ARHGEF37: variants seen among roughly 807,000 people sequenced by gnomAD.
ARHGEF37 encodes Rho guanine nucleotide exchange factor (GEF) 37.
Under a neutral mutation model 71.1 loss-of-function variants are expected in ARHGEF37, and 55 were observed. The observed-to-expected ratio is 0.77, with a 90% CI of 0.62 to 0.97. The LOEUF (loss-of-function observed/expected upper bound fraction) is 0.97, where lower values mean the gene tolerates loss of function less well. Ranked by LOEUF, ARHGEF37 falls within the 50% of genes least tolerant of loss-of-function variation. The pLI is 0.00. For synonymous variants in ARHGEF37, 327 were observed against 350.6 expected (o/e 0.93, Z 0.75); for missense variants, 765 against 836.8 (o/e 0.91, Z 1.06).
In ARHGEF37 at chr5:149,584,104, A is replaced by G. The variant is rs577697682; in HGVS notation, c.-12+2480A>G. Among the ~76,000 whole-genome samples the G allele has an allele frequency of 3.9e-5, 6 of 152,284 alleles. No individual in the cohort carries two copies. In the South Asian group the frequency reaches 1.2e-3, roughly 32 times the overall value. ...TTGTTATTATTTTCTTAATTCCCTA[A>G]TACTGGAAGGCTCAAGAACTTTAAA... On this transcript the variant is annotated intron_variant, in intron 1 of 12. Coordinates refer to ENST00000333677, the MANE Select transcript of ARHGEF37 (RefSeq NM_001001669.3).
chr5:149,558,632 AG>A (rs1305498988), intron 1 of ARHGEF37, among the ~76,000 whole-genome samples: 1 of 151,966 alleles, frequency 6.6e-6, no homozygotes, highest in African/African-American at 2.4e-5. Flanking sequence ...CTGGGATTAC[AG>A]GCGTGAGCCA....
intron 1 of ARHGEF37, among the ~76,000 whole-genome samples, chr5:149,554,382 C>T (rs576801667): frequency 6.7e-4 from 102 of 152,266 alleles, no homozygotes; most frequent in Admixed American, 5.2e-3. Context: ...GTCTAATCCT[C>T]CTCGCCTTTT....
In ARHGEF37 at chr5:149,554,155, G is replaced by A. The variant is rs79958564; in HGVS notation, c.-12+2032G>A. Among the ~76,000 whole-genome samples, 1,396 of 152,098 alleles carry A rather than the reference G, an allele frequency of 9.2e-3. 62 individuals are homozygous for A. The East Asian group carries it at 0.15, about 16-fold the overall frequency. On this transcript the variant is annotated intron_variant, in intron 1 of 2. Transcript: ENST00000505810. ...TGCACTCCGGCCTGGGCAAGAGAGT[G>A]AGACTTTGTCTCAAAAAAAAAGTTG...
intron 1 of ARHGEF37, among the ~76,000 whole-genome samples, chr5:149,568,402 C>G (rs899424546): frequency 1.3e-5 from 2 of 152,040 alleles, no homozygotes; most frequent in African/African-American, 4.8e-5. Flanking sequence ...AAAAGCAAAC[C>G]TAATTAAAAT....
intron 1 of ARHGEF37, among the ~76,000 whole-genome samples, 172 bp downstream of exon 1, chr5:149,581,796 G>A (rs1011308286): frequency 6.6e-6 from 1 of 152,190 alleles, no homozygotes; most frequent in African/African-American, 2.4e-5. Flanking sequence ...AGCCTTATGA[G>A]AATGTAAGCC....
At chr5:149,623,902 G>A in intron 9 of ARHGEF37, 110 bp from the exon 10 acceptor site, 2 of 1,419,568 alleles carry the variant, frequency 1.4e-6, no homozygotes, top group Admixed American at 4.4e-5. Context: ...TCTCAGGACA[G>A]AGTATCACTC....
chr5:149,630,801 G>A (rs1240937061), intron 12 of ARHGEF37, among the ~76,000 whole-genome samples: 1 of 152,184 alleles, frequency 6.6e-6, no homozygotes, highest in African/African-American at 2.4e-5. Context: ...CTGGGACTCT[G>A]CAGGACTTGC....
Position 149,584,554 on chromosome 5 carries a change from TG to T in ARHGEF37, c.-12+2933del, listed in dbSNP as rs1389866944. Among the ~76,000 whole-genome samples, 9 of 152,314 alleles carry T rather than the reference TG, an allele frequency of 5.9e-5. No individual in the cohort carries two copies. The East Asian group carries it at 1.7e-3, about 29-fold the overall frequency. ...TGTTTCACAGTAGTTTCTAAAATATTGGGATGTTTTTTCTAATTTTGACTAT... is the reference window on the plus strand; with the variant it reads ...TGTTTCACAGTAGTTTCTAAAATATTGGATGTTTTTTCTAATTTTGACTAT... On this transcript the variant is annotated intron_variant, in intron 1 of 12. Coordinates refer to ENST00000333677, the MANE Select transcript of ARHGEF37 (RefSeq NM_001001669.3).
chr5:149,590,128 C>T (rs1458832012), intron 1 of ARHGEF37, among the ~76,000 whole-genome samples: 1 of 152,118 alleles, frequency 6.6e-6, no homozygotes, highest in Admixed American at 6.6e-5. Context: ...AGTAGTTGCT[C>T]CAAATACTTG....
chr5:149,613,349 A>AT (rs34322237), intron 4 of ARHGEF37, among the ~76,000 whole-genome samples: 90,253 of 145,146 alleles, frequency 0.62, 28,039 homozygotes, highest in Middle Eastern at 0.77. Flanking sequence ...GATAGATAGA[A>AT]TTTTTTTTTT....
intron 4 of ARHGEF37, among the ~76,000 whole-genome samples, chr5:149,615,663 G>A (rs1015354058): frequency 4.6e-5 from 7 of 151,828 alleles, no homozygotes; most frequent in Non-Finnish European, 7.4e-5. Flanking sequence ...AGGCCGAGGC[G>A]GGCAAATCAC....
chr5:149,618,326 G>C lies in ARHGEF37; in HGVS notation c.789+20G>C, dbSNP rs1285305319. Reference sequence around the variant, plus strand: ...CCCAGGGTGAGCGTGCGCCTGGGAGGAAGAGTCACATCCAGCCACCCCCAA... The same window carrying C: ...CCCAGGGTGAGCGTGCGCCTGGGAGCAAGAGTCACATCCAGCCACCCCCAA... On this transcript the variant is annotated intron_variant, in intron 6 of 12. Coordinates refer to ENST00000333677, the MANE Select transcript of ARHGEF37 (RefSeq NM_001001669.3). The C allele has an allele frequency of 1.9e-6, 3 of 1,613,918 alleles. No homozygotes were observed. Among genetic ancestry groups the C allele is most frequent in the Non-Finnish European group, 2.5e-6 (3 of 1,179,914 alleles).
intron 1 of ARHGEF37, among the ~76,000 whole-genome samples, chr5:149,567,746 C>T (rs1762914647): frequency 6.6e-6 from 1 of 152,168 alleles, no homozygotes; most frequent in Admixed American, 6.6e-5. Context: ...TAACATGTCC[C>T]CTTAATTCTT....
chr5:149,634,002 G>A lies in ARHGEF37; in HGVS notation c.*1811G>A, dbSNP rs1425285641. On this transcript the variant is annotated 3_prime_UTR_variant, in exon 13 of 13. Coordinates refer to ENST00000333677, the MANE Select transcript of ARHGEF37 (RefSeq NM_001001669.3). ...AGATAATGAAATAGGAAACCCACTC[G>A]TGGGTTCCACAGATACCTACCGAAG... The A allele has an allele frequency of 2.0e-5, 3 of 152,300 alleles. No homozygotes were observed. The South Asian group carries it at 6.2e-4, about 32-fold the overall frequency. The allele number at this position is 152,300 out of a possible 1,614,324, so 9.4% of individuals were successfully genotyped here. A position where few individuals can be genotyped will look rare whatever the true frequency, so the allele number is the denominator to read the frequency against.
At chr5:149,556,590 T>C (rs951149446) in intron 1 of ARHGEF37, among the ~76,000 whole-genome samples, 1 of 152,132 alleles carries the variant, frequency 6.6e-6, no homozygotes, top group Non-Finnish European at 1.5e-5. Context: ...TTTCACCATG[T>C]TGACCAGGCT....
At chr5:149,564,684 C>T (rs1439170521) in intron 1 of ARHGEF37, among the ~76,000 whole-genome samples, 3 of 152,094 alleles carry the variant, frequency 2.0e-5, no homozygotes, top group Non-Finnish European at 2.9e-5. Context: ...GTTAGCTGGG[C>T]GTGGTGGTGC....
Position 149,618,252 on chromosome 5 carries a change from G to C in ARHGEF37, c.735G>C (p.Lys245Asn), listed in dbSNP as rs747382328. 8 of 1,614,194 alleles carry C rather than the reference G, an allele frequency of 5.0e-6. No homozygotes were observed. Among genetic ancestry groups the C allele is most frequent in the Non-Finnish European group, 6.8e-6 (8 of 1,180,032 alleles). The change falls in exon 6 of 13, where the codon AAG (lysine) becomes AAC (asparagine). Residue 245 changes from lysine (K) to asparagine (N), a missense_variant. Physicochemically the swap from Lys to Asn is moderately conservative, Grantham distance 94. Around this residue, in one of 5 missense-constraint regions of ARHGEF37, gnomAD observed 167 missense variants for 173.3 expected, o/e 0.96. Transcript: ENST00000333677. Reference sequence around the variant, plus strand: ...GCATCAACACACACACCCTCTCCAAGAAGACCACCCGGCTGAGCCAGCTGC... The same window carrying C: ...GCATCAACACACACACCCTCTCCAACAAGACCACCCGGCTGAGCCAGCTGC... ...LARINTHTLS[K>N]KTTRLSQLLK...
chr5:149,555,520 G>T (rs868240228), intron 1 of ARHGEF37, among the ~76,000 whole-genome samples: 1 of 149,116 alleles, frequency 6.7e-6, no homozygotes, highest in Non-Finnish European at 1.5e-5. Flanking sequence ...TTGCCTTGTT[G>T]CCCAGGCTGG....
chr5:149,565,333 T>C (rs1489416387), intron 1 of ARHGEF37, among the ~76,000 whole-genome samples: 2 of 152,256 alleles, frequency 1.3e-5, no homozygotes, highest in Non-Finnish European at 2.9e-5. Flanking sequence ...GTTATAGTTA[T>C]ATCTGCATTG....
Sources: gnomAD v4.1 joint callset for allele counts (sites outside exome capture counted in the v4.1 genomes callset) on GRCh38, gnomAD v4.1.1 for gene constraint, gnomAD v4.1.1 regional missense constraint, MANE v1.5 for transcripts, NCBI Gene and HGNC (gene_info 2026-07-23, HGNC 2026-07-21) for gene names.